The following CSF2RA variants were observed in gnomAD, a reference collection of about 807,000 sequenced individuals.
CSF2RA encodes the protein granulocyte-macrophage colony-stimulating factor receptor subunit alpha.
A neutral mutation model predicts 51.6 loss-of-function variants in CSF2RA; 42 were observed. The ratio of observed to expected loss-of-function variants is 0.81; its 90% confidence interval spans 0.64 to 1.05. The LOEUF is 1.05. Ranked by LOEUF, CSF2RA falls within the 50% of genes least tolerant of loss-of-function variation. CSF2RA has a pLI of 0.00. For synonymous variants in CSF2RA, 222 were observed against 193.0 expected (o/e 1.15, Z -1.24); for missense variants, 530 against 501.1 (o/e 1.06, Z -0.55).
intron 11 of CSF2RA, 71 bp downstream of exon 11, chrX:1,304,090 C>A: frequency 8.2e-7 from 1 of 1,225,804 alleles, no homozygotes; most frequent in Non-Finnish European, 1.2e-6. Context: ...TTTGTCCAGT[C>A]TCTGTCTCTG....
the CSF2RA span, among the ~76,000 whole-genome samples, chrX:1,317,169 C>T: frequency 1.3e-5 from 2 of 149,724 alleles, no homozygotes; most frequent in African/African-American, 4.9e-5. Flanking sequence ...AGGATGGTCT[C>T]GAACTCCTGA....
chrX:1,278,411 G>A (rs1355121277), intron 2 of CSF2RA, among the ~76,000 whole-genome samples: 1 of 149,910 alleles, frequency 6.7e-6, no homozygotes, highest in Non-Finnish European at 1.5e-5. Context: ...CAGAGGCCAG[G>A]TGCAGTGGCT....
Position 1,309,880 on chromosome X carries a change from T to C in CSF2RA, c.*401T>C. On this transcript the variant is annotated 3_prime_UTR_variant, in exon 13 of 13. Transcript: ENST00000381529. ...ACCAACCTGCGTGACAGAGCAAGAT[T>C]GCATCTCAAAACAAACAATAATAAT... 2 of 583,932 alleles carry C rather than the reference T, an allele frequency of 3.4e-6. No homozygotes were observed. Among genetic ancestry groups the C allele is most frequent in the Admixed American group, 3.0e-5 (1 of 32,940 alleles). The allele number at this position is 583,932 out of a possible 1,614,324, so 36.2% of individuals were successfully genotyped here. A position where few individuals can be genotyped will look rare whatever the true frequency, so the allele number is the denominator to read the frequency against.
the CSF2RA span, among the ~76,000 whole-genome samples, chrX:1,317,529 G>T: frequency 0.015 from 2,297 of 150,640 alleles, 72 homozygotes; most frequent in African/African-American, 0.054. Flanking sequence ...GGGGTTGCAG[G>T]CGTGAGCCAC....
At position 1,282,701 on chromosome X, in the gene CSF2RA, A is replaced by G. The variant is rs770217894; in HGVS notation, c.-3A>G. The G allele has an allele frequency of 1.2e-6, 2 of 1,613,030 alleles. No homozygotes were observed. Among genetic ancestry groups the G allele is most frequent in the South Asian group, 1.1e-5 (1 of 91,054 alleles). On this transcript the variant is annotated 5_prime_UTR_variant, in exon 3 of 13. Transcript: ENST00000381529. The stretch of plus-strand genomic sequence containing the variant: ...AGCTCTTCCCTTCTCTCTGACCAGC[A>G]CCATGCTTCTCCTGGTGACAAGCCT...
the CSF2RA span, among the ~76,000 whole-genome samples, chrX:1,322,631 G>A: frequency 1.3e-5 from 2 of 151,348 alleles, no homozygotes; most frequent in African/African-American, 4.9e-5. Context: ...GAGGAGCCAC[G>A]GTTCTCCTGA....
the CSF2RA span, among the ~76,000 whole-genome samples, chrX:1,322,908 T>C: frequency 6.6e-6 from 1 of 150,990 alleles, no homozygotes; most frequent in Non-Finnish European, 1.5e-5. Context: ...GACAGGCAGA[T>C]CACGAGGTCA....
downstream of CSF2RA, among the ~76,000 whole-genome samples, chrX:1,312,764 G>A (rs1259110056): frequency 7.2e-5 from 11 of 152,182 alleles, no homozygotes; most frequent in East Asian, 1.5e-3. Context: ...TTCCTCCCTC[G>A]TGGGTGTTCC....
chrX:1,284,760 G>A, intron 3 of CSF2RA, among the ~76,000 whole-genome samples: 1 of 151,240 alleles, frequency 6.6e-6, no homozygotes, highest in East Asian at 1.9e-4. Context: ...CACCTCCCGG[G>A]TTCAACCGAT....
chrX:1,309,422 C>A lies in CSF2RA; in HGVS notation c.1146C>A (p.Thr382=), dbSNP rs763572103. Reference sequence around the variant, plus strand: ...CTCAGATCATCTGGGAGGAATTCACCCCAGAGGAAGGGAAAGGCTACCGCG... The same window carrying A: ...CTCAGATCATCTGGGAGGAATTCACACCAGAGGAAGGGAAAGGCTACCGCG... ...VEDEIIWEEF[T]PEEGKGYREE... The change falls in exon 13 of 13, where the codon ACC becomes ACA. Residue 382 remains threonine, a synonymous_variant. Transcript: ENST00000381529. 4 of 1,613,902 alleles carry A rather than the reference C, an allele frequency of 2.5e-6. No individual in the cohort carries two copies. The South Asian group carries it at 4.4e-5, about 18-fold the overall frequency.
intron 12 of CSF2RA, among the ~76,000 whole-genome samples, chrX:1,307,104 C>T (rs2083653587): frequency 6.6e-6 from 1 of 152,120 alleles, no homozygotes. Flanking sequence ...ACCCACCTCT[C>T]TCCGGCTCAG....
At chrX:1,289,289 G>GTC (rs1272749357) in intron 6 of CSF2RA, among the ~76,000 whole-genome samples, 1 of 152,144 alleles carries the variant, frequency 6.6e-6, no homozygotes, top group East Asian at 1.9e-4. Flanking sequence ...CACCACACCT[G>GTC]TCTAATTTTT....
chrX:1,282,991 T>C (rs1467123321), intron 3 of CSF2RA, among the ~76,000 whole-genome samples: 2 of 152,114 alleles, frequency 1.3e-5, no homozygotes, highest in African/African-American at 4.8e-5. Flanking sequence ...ATTCTACAGA[T>C]GAGAAAACGG....
At chrX:1,274,336 G>C (rs2088852926) in intron 1 of CSF2RA, among the ~76,000 whole-genome samples, 1 of 151,314 alleles carries the variant, frequency 6.6e-6, no homozygotes, top group South Asian at 2.1e-4. Context: ...GGAGGGAGCT[G>C]GGGATCCAGT....
chrX:1,287,707 G>T (rs1182821120), intron 4 of CSF2RA, among the ~76,000 whole-genome samples: 1 of 137,392 alleles, frequency 7.3e-6, no homozygotes, highest in African/African-American at 2.8e-5. Context: ...GCCTCCCAGA[G>T]TGCTGGCATT....
the CSF2RA span, among the ~76,000 whole-genome samples, chrX:1,315,939 TAATAAATGATAGATGATA>T: frequency 2.3e-5 from 3 of 130,988 alleles, no homozygotes; most frequent in Non-Finnish European, 3.3e-5. Flanking sequence ...GGATGATAGA[TAATAAATGATAGATGATA>T]GATAAATAGA....
chrX:1,323,776 A>C, the CSF2RA span, among the ~76,000 whole-genome samples: 1 of 151,964 alleles, frequency 6.6e-6, no homozygotes, highest in South Asian at 2.1e-4. Flanking sequence ...GCACTTTGGG[A>C]GGCAGAGGCG....
the CSF2RA span, among the ~76,000 whole-genome samples, chrX:1,324,295 G>T: frequency 5.2e-4 from 78 of 149,588 alleles, no homozygotes; most frequent in Non-Finnish European, 1.0e-4. Flanking sequence ...GGAGTTAGAG[G>T]CCAGCCTGGG....
intron 1 of CSF2RA, 43 bp from the exon 2 acceptor site, chrX:1,274,712 C>T (rs1266355693): frequency 2.2e-6 from 1 of 452,326 alleles, no homozygotes; most frequent in South Asian, 1.6e-5. Context: ...CCACTATAAC[C>T]TTTCATGATT....
Sources: allele counts gnomAD v4.1 joint callset (sites outside exome capture counted in the v4.1 genomes callset), GRCh38; gene constraint gnomAD v4.1.1; transcripts MANE v1.5; gene names NCBI Gene and HGNC (gene_info 2026-07-23, HGNC 2026-07-21).